Variants in SLC39A11 observed in about 807,000 individuals in gnomAD.
The protein encoded by SLC39A11 is solute carrier family 39 member 11, also known as zinc transporter ZIP11.
Under a neutral mutation model 36.1 loss-of-function variants are expected in SLC39A11, and 33 were observed. The observed-to-expected ratio is 0.91, with a 90% CI of 0.69 to 1.22. The LOEUF is 1.22. SLC39A11 is among the 50% of genes most tolerant of loss of function. SLC39A11 has a pLI of 0.00. For synonymous variants in SLC39A11, 166 were observed against 170.3 expected (o/e 0.97, Z 0.20); for missense variants, 432 against 430.3 (o/e 1.00, Z -0.03).
At chr17:73,058,539 A>G (rs975855227) in intron 3 of SLC39A11, among the ~76,000 whole-genome samples, 1 of 152,184 alleles carries the variant, frequency 6.6e-6, no homozygotes, top group South Asian at 2.1e-4. Context: ...CCTGGCCAAC[A>G]TGGCGAAACC....
intron 4 of SLC39A11, among the ~76,000 whole-genome samples, chr17:72,980,591 C>A (rs1302735709): frequency 6.6e-6 from 1 of 152,052 alleles, no homozygotes; most frequent in Non-Finnish European, 1.5e-5. Context: ...GTAAGAATAA[C>A]CAAGAAACTT....
chr17:73,030,551 C>T (rs922423239), intron 4 of SLC39A11, among the ~76,000 whole-genome samples: 1 of 152,210 alleles, frequency 6.6e-6, no homozygotes, highest in South Asian at 2.1e-4. Context: ...TGACTTAATC[C>T]TGTCTCACCG....
At chr17:72,745,594 G>C (rs1230167996) in intron 6 of SLC39A11, among the ~76,000 whole-genome samples, 2 of 152,130 alleles carry the variant, frequency 1.3e-5, no homozygotes, top group African/African-American at 4.8e-5. Context: ...CTGTTGTGAA[G>C]CCACTATTCT....
chr17:72,803,313 G>T (rs2145265559), intron 6 of SLC39A11, among the ~76,000 whole-genome samples: 1 of 152,358 alleles, frequency 6.6e-6, no homozygotes, highest in East Asian at 1.9e-4. Flanking sequence ...AGCCAGCCAG[G>T]GGCTTGGTAA....
chr17:73,054,082 G>A (rs371410184), intron 3 of SLC39A11, among the ~76,000 whole-genome samples: 11 of 152,096 alleles, frequency 7.2e-5, no homozygotes, highest in African/African-American at 1.9e-4. Context: ...TCTCTAATGC[G>A]GGCCAGGTGT....
intron 7 of SLC39A11, among the ~76,000 whole-genome samples, chr17:72,720,195 G>C (rs2073599320): frequency 6.6e-6 from 1 of 152,224 alleles, no homozygotes; most frequent in African/African-American, 2.4e-5. Context: ...TGGGGACAAG[G>C]GCTGGGCAGT....
intron 6 of SLC39A11, among the ~76,000 whole-genome samples, chr17:72,832,276 G>A (rs1598911528): frequency 6.6e-6 from 1 of 152,326 alleles, no homozygotes; most frequent in South Asian, 2.1e-4. Flanking sequence ...GAAATGGCTT[G>A]GAAGTCTAGG....
At chr17:73,045,675 C>T (rs1400877652) in intron 3 of SLC39A11, among the ~76,000 whole-genome samples, 1 of 152,162 alleles carries the variant, frequency 6.6e-6, no homozygotes, top group Admixed American at 6.5e-5. Flanking sequence ...GGCAAGTATA[C>T]TCATTACTTT....
intron 6 of SLC39A11, among the ~76,000 whole-genome samples, chr17:72,824,471 G>A (rs1042761133): frequency 8.6e-5 from 13 of 151,204 alleles, no homozygotes; most frequent in South Asian, 4.2e-4. Context: ...AATTGGTACC[G>A]GGAGTGGGGA....
intron 3 of SLC39A11, among the ~76,000 whole-genome samples, chr17:73,032,784 G>A (rs563433843): frequency 1.5e-4 from 23 of 152,274 alleles, no homozygotes; most frequent in Non-Finnish European, 2.8e-4. Flanking sequence ...TAAAAAGGAC[G>A]AAGGGAACTA....
intron 6 of SLC39A11, among the ~76,000 whole-genome samples, chr17:72,748,048 G>A (rs2075009688): frequency 6.6e-6 from 1 of 152,196 alleles, no homozygotes; most frequent in African/African-American, 2.4e-5. Context: ...AAGGCCAGGT[G>A]CAGTGGCTCA....
chr17:73,083,271 T>TG (rs2060609058), intron 3 of SLC39A11, among the ~76,000 whole-genome samples: 1 of 152,160 alleles, frequency 6.6e-6, no homozygotes, highest in Non-Finnish European at 1.5e-5. Flanking sequence ...AGAGAACGTA[T>TG]GGAAGCTGAG....
chr17:72,835,941 T>C (rs981617403), intron 6 of SLC39A11, among the ~76,000 whole-genome samples: 5 of 152,146 alleles, frequency 3.3e-5, no homozygotes, highest in Non-Finnish European at 5.9e-5. Flanking sequence ...GCTTGTCCTA[T>C]GCCTGTGGGC....
At chr17:72,880,871 C>T (rs916956963) in intron 5 of SLC39A11, among the ~76,000 whole-genome samples, 6 of 133,776 alleles carry the variant, frequency 4.5e-5, no homozygotes, top group African/African-American at 1.5e-4. Context: ...TTAGTAGAGA[C>T]AGGGTTTCTC....
intron 6 of SLC39A11, among the ~76,000 whole-genome samples, chr17:72,841,824 G>A (rs1472999442): frequency 6.6e-6 from 1 of 152,130 alleles, no homozygotes; most frequent in Non-Finnish European, 1.5e-5. Flanking sequence ...CACTTTGGGA[G>A]GCTAAGGCGG....
intron 5 of SLC39A11, among the ~76,000 whole-genome samples, chr17:72,929,759 A>C (rs530510452): frequency 1.1e-3 from 163 of 152,240 alleles, no homozygotes; most frequent in Non-Finnish European, 2.1e-3. Flanking sequence ...ACCCTTGGAA[A>C]CTGGATTTAA....
intron 3 of SLC39A11, among the ~76,000 whole-genome samples, chr17:73,078,381 T>G (rs1042423875): frequency 6.6e-6 from 1 of 152,056 alleles, no homozygotes; most frequent in African/African-American, 2.4e-5. Flanking sequence ...GACAGATAGA[T>G]CAGATATAGA....
At chr17:73,042,373 C>G (rs913339951) in intron 3 of SLC39A11, among the ~76,000 whole-genome samples, 3 of 152,198 alleles carry the variant, frequency 2.0e-5, no homozygotes, top group South Asian at 2.1e-4. Flanking sequence ...GAACAGCACC[C>G]AACTCAGTGC....
chr17:73,067,801 C>T, intron 3 of SLC39A11: 1 of 1,394,736 alleles, frequency 7.2e-7, no homozygotes, highest in Non-Finnish European at 1.0e-6. Context: ...ACAAGCATCA[C>T]AACTTTTCAG....
Sources: allele counts gnomAD v4.1 joint callset (sites outside exome capture counted in the v4.1 genomes callset), GRCh38; gene constraint gnomAD v4.1.1; transcripts MANE v1.5; gene names NCBI Gene and HGNC (gene_info 2026-07-23, HGNC 2026-07-21).